Variants in ZFAT observed in about 807,000 individuals in gnomAD.
The protein encoded by ZFAT is zinc finger and AT-hook domain containing.
A neutral mutation model predicts 117.7 loss-of-function variants in ZFAT; 64 were observed. The observed-to-expected ratio is 0.54, with a 90% confidence interval of 0.44 to 0.67. The LOEUF is 0.67. ZFAT is among the 30% of genes least tolerant of loss of function. ZFAT has a pLI of 0.00. For missense variants in ZFAT, 1,433 were observed against 1,584.5 expected, an observed-to-expected ratio of 0.90 and a Z score of 1.62; for synonymous variants, 679 against 615.0, an observed-to-expected ratio of 1.10 and a Z score of -1.54.
chr8:134,603,914 C>T (rs1402929730), intron 5 of ZFAT, among the ~76,000 whole-genome samples: 1 of 152,242 alleles, frequency 6.6e-6, no homozygotes, highest in African/African-American at 2.4e-5. Context: ...TCCTCCTCCT[C>T]TATCATGGTT....
the ZFAT span, among the ~76,000 whole-genome samples, chr8:134,751,960 C>T: frequency 6.6e-6 from 1 of 152,176 alleles, no homozygotes; most frequent in African/African-American, 2.4e-5. Flanking sequence ...TCATGGTAGA[C>T]TTAGTACATG....
At chr8:134,481,027 G>A (rs895739545) in intron 15 of ZFAT, among the ~76,000 whole-genome samples, 2 of 152,224 alleles carry the variant, frequency 1.3e-5, no homozygotes, top group Non-Finnish European at 1.5e-5. Flanking sequence ...CCCGGAGCTG[G>A]AGAGCTATTC....
At chr8:134,583,523 G>GA (rs1825855957) in intron 10 of ZFAT, among the ~76,000 whole-genome samples, 2 of 152,130 alleles carry the variant, frequency 1.3e-5, no homozygotes, top group Non-Finnish European at 2.9e-5. Context: ...AAAAAGGATG[G>GA]AAACTTCGGA....
intron 7 of ZFAT, among the ~76,000 whole-genome samples, chr8:134,595,071 T>A (rs1563647380): frequency 6.6e-6 from 1 of 152,196 alleles, no homozygotes; most frequent in Admixed American, 6.5e-5. Context: ...AGACTCTGAC[T>A]GAGGAGGTCA....
At chr8:134,559,226 C>A (rs531814944) in intron 11 of ZFAT, among the ~76,000 whole-genome samples, 1 of 152,228 alleles carries the variant, frequency 6.6e-6, no homozygotes, top group Non-Finnish European at 1.5e-5. Context: ...AACCCTCACC[C>A]ACCTGCAACA....
chr8:134,491,572 A>G (rs1007643804), intron 15 of ZFAT, among the ~76,000 whole-genome samples: 3 of 152,220 alleles, frequency 2.0e-5, no homozygotes, highest in African/African-American at 7.2e-5. Flanking sequence ...ACTTTAAGAG[A>G]GAATCCACTT....
chr8:134,782,889 A>C, the ZFAT span, among the ~76,000 whole-genome samples: 1 of 152,024 alleles, frequency 6.6e-6, no homozygotes, highest in African/African-American at 2.4e-5. Context: ...GAGACAAGTA[A>C]GTTTTATCAT....
intron 12 of ZFAT, among the ~76,000 whole-genome samples, chr8:134,529,670 G>T (rs1025577549): frequency 6.6e-6 from 1 of 152,200 alleles, no homozygotes; most frequent in Non-Finnish European, 1.5e-5. Context: ...AGGGTGAAAG[G>T]TACGTGGGAA....
chr8:134,545,737 G>C (rs765576558), intron 11 of ZFAT, among the ~76,000 whole-genome samples: 21 of 152,256 alleles, frequency 1.4e-4, no homozygotes, highest in Non-Finnish European at 2.8e-4. Flanking sequence ...GGTGACTTTT[G>C]GGACAGAGAA....
At chr8:134,624,010 C>T (rs1317658827) in intron 3 of ZFAT, among the ~76,000 whole-genome samples, 1 of 152,162 alleles carries the variant, frequency 6.6e-6, no homozygotes, top group Non-Finnish European at 1.5e-5. Context: ...CTCTAAGAAA[C>T]TACTATACAG....
chr8:134,556,025 A>C (rs1443701424), intron 11 of ZFAT, among the ~76,000 whole-genome samples: 1 of 105,790 alleles, frequency 9.5e-6, no homozygotes, highest in Non-Finnish European at 1.9e-5. Flanking sequence ...GGAAGGAGGG[A>C]GGGAGAGAAG....
intron 15 of ZFAT, among the ~76,000 whole-genome samples, chr8:134,499,421 C>T (rs1364481857): frequency 6.7e-6 from 1 of 148,948 alleles, no homozygotes; most frequent in African/African-American, 2.5e-5. Context: ...TGGTTACACA[C>T]AGAGCGTGAT....
At chr8:134,486,979 CAT>C (rs535070864) in intron 15 of ZFAT, among the ~76,000 whole-genome samples, 74 of 152,112 alleles carry the variant, frequency 4.9e-4, no homozygotes, top group Non-Finnish European at 7.9e-4. Flanking sequence ...GGTGTGTGTC[CAT>C]GTGTGTATAT....
chr8:134,589,240 A>C (rs1239848470), intron 8 of ZFAT, among the ~76,000 whole-genome samples: 1 of 152,226 alleles, frequency 6.6e-6, no homozygotes, highest in African/African-American at 2.4e-5. Flanking sequence ...CATGTCACTT[A>C]GGACATGAGT....
chr8:134,519,806 G>C (rs1820517658), intron 13 of ZFAT, among the ~76,000 whole-genome samples: 1 of 151,946 alleles, frequency 6.6e-6, no homozygotes, highest in Non-Finnish European at 1.5e-5. Flanking sequence ...GTAAGATGCT[G>C]GTGTTTGGAT....
intron 11 of ZFAT, among the ~76,000 whole-genome samples, chr8:134,542,271 C>A (rs557212564): frequency 7.9e-5 from 12 of 152,240 alleles, no homozygotes; most frequent in African/African-American, 2.9e-4. Context: ...CTTGATCCTG[C>A]CATTCTCTCT....
At chr8:134,503,448 T>C (rs1819141611) in intron 15 of ZFAT, among the ~76,000 whole-genome samples, 1 of 152,204 alleles carries the variant, frequency 6.6e-6, no homozygotes, top group South Asian at 2.1e-4. Flanking sequence ...AAACAGACAC[T>C]CATACCCTGA....
Position 134,657,706 on chromosome 8 carries a change from A to G in ZFAT, c.51T>C (p.Cys17=), listed in dbSNP as rs1563735781. 2.5e-6 allele frequency: 4 copies of G among 1,613,204 alleles called. No individual in the cohort carries two copies. The South Asian group carries it at 3.3e-5, about 13-fold the overall frequency. The stretch of plus-strand genomic sequence containing the variant: ...CCGACTGATTTGGTGAGAAGAGGTT[A>G]CAACATTTACACATAAAGATGGCCG... ...ENTAIFMCKC[C]NLFSPNQSEL... is the part of the protein sequence containing the mutation. Residue 17 remains cysteine, a synonymous_variant, in exon 2 of 16, where the codon TGT becomes TGC. Coordinates refer to ENST00000377838, the MANE Select transcript of ZFAT (RefSeq NM_020863.4).
At chr8:134,527,437 T>C (rs1821106485) in intron 12 of ZFAT, among the ~76,000 whole-genome samples, 1 of 152,158 alleles carries the variant, frequency 6.6e-6, no homozygotes, top group Non-Finnish European at 1.5e-5. Flanking sequence ...AGCAGGTAAA[T>C]TATCCAAGGA....
Sources: allele counts gnomAD v4.1 joint callset (sites outside exome capture counted in the v4.1 genomes callset), GRCh38; gene constraint gnomAD v4.1.1; transcripts MANE v1.5; gene names NCBI Gene and HGNC (gene_info 2026-07-23, HGNC 2026-07-21).